LHFPL3: variants seen among roughly 807,000 people sequenced by gnomAD.
The protein encoded by LHFPL3 is LHFPL tetraspan subfamily member 3.
Under a neutral mutation model 19.3 loss-of-function variants are expected in LHFPL3, and 5 were observed. That is an observed-to-expected ratio of 0.26 (90% CI 0.14 to 0.54). LHFPL3 has a LOEUF of 0.54. Among genes scored for constraint, LHFPL3 ranks in the 20% least tolerant of loss-of-function variants. The pLI is 0.94. For synonymous variants in LHFPL3, 133 were observed against 126.2 expected (o/e 1.05, Z -0.36); for missense variants, 249 against 307.4 (o/e 0.81, Z 1.42).
intron 1 of LHFPL3, among the ~76,000 whole-genome samples, chr7:104,356,082 TTGTATTAGGATATAGCTTTTG>T (rs1189236557): frequency 6.6e-6 from 1 of 152,218 alleles, no homozygotes; most frequent in Non-Finnish European, 1.5e-5. Context: ...AGTGAAATGA[TTGTATTAGGATATAGCTTTTG>T]TAATAGAAGA....
At chr7:104,818,022 C>T (rs1790598704) in intron 2 of LHFPL3, among the ~76,000 whole-genome samples, 1 of 152,140 alleles carries the variant, frequency 6.6e-6, no homozygotes, top group Non-Finnish European at 1.5e-5. Context: ...TATTGGACAG[C>T]ACAGATACAG....
At chr7:104,458,526 G>C (rs1792592074) in intron 1 of LHFPL3, among the ~76,000 whole-genome samples, 1 of 152,076 alleles carries the variant, frequency 6.6e-6, no homozygotes. Flanking sequence ...TAGCCTTGTA[G>C]TATAGTTTGA....
chr7:104,576,161 G>GA (rs369816915), intron 1 of LHFPL3, among the ~76,000 whole-genome samples: 6 of 150,524 alleles, frequency 4.0e-5, no homozygotes, highest in Non-Finnish European at 7.4e-5. Context: ...GAAGATCCAG[G>GA]AAAAAAAAAT....
chr7:104,592,156 A>G (rs1283376869), intron 1 of LHFPL3, among the ~76,000 whole-genome samples: 1 of 152,038 alleles, frequency 6.6e-6, no homozygotes, highest in Non-Finnish European at 1.5e-5. Context: ...GCTTTGTTCC[A>G]TTGCTGGTGA....
chr7:104,395,479 C>G lies in LHFPL3; in HGVS notation c.445+66255C>G, dbSNP rs76770522. On this transcript the variant is annotated intron_variant, in intron 1 of 2. Coordinates refer to ENST00000424859, the MANE Select transcript of LHFPL3 (RefSeq NM_199000.3). ...ATAATTTATTTTCTGAAATTGGCAG[C>G]CAGTTTCTTTGCCACCTTCTCCCAG... Among the ~76,000 whole-genome samples, 955 of 152,292 alleles carry G rather than the reference C, an allele frequency of 6.3e-3. 83 individuals are homozygous for G. In the East Asian group the frequency reaches 0.16, roughly 26 times the overall value.
intron 1 of LHFPL3, among the ~76,000 whole-genome samples, chr7:104,565,479 G>A (rs1790100858): frequency 6.6e-6 from 1 of 152,192 alleles, no homozygotes; most frequent in Admixed American, 6.5e-5. Flanking sequence ...TTTTTGTTCA[G>A]CAGACACAAG....
intron 1 of LHFPL3, among the ~76,000 whole-genome samples, chr7:104,487,086 T>TTCA: frequency 6.6e-6 from 1 of 152,196 alleles, no homozygotes; most frequent in South Asian, 2.1e-4. Flanking sequence ...TTCTTCCAGT[T>TTCA]TCATTTTCAT....
At chr7:104,837,280 A>G (rs189322285) in intron 2 of LHFPL3, among the ~76,000 whole-genome samples, 28 of 152,304 alleles carry the variant, frequency 1.8e-4, no homozygotes, top group Non-Finnish European at 3.2e-4. Flanking sequence ...CTAAGAGCAG[A>G]GACGTCTGAT....
At chr7:104,612,681 A>G (rs1272136691) in intron 1 of LHFPL3, among the ~76,000 whole-genome samples, 2 of 152,140 alleles carry the variant, frequency 1.3e-5, no homozygotes, top group African/African-American at 4.8e-5. Context: ...TGAAACCTAA[A>G]CCTTCATGCC....
At chr7:104,496,331 G>T (rs911916336) in intron 1 of LHFPL3, among the ~76,000 whole-genome samples, 7 of 152,166 alleles carry the variant, frequency 4.6e-5, no homozygotes, top group Admixed American at 1.3e-4. Flanking sequence ...AGTATTCCAT[G>T]GTGTATATGT....
intron 1 of LHFPL3, among the ~76,000 whole-genome samples, chr7:104,495,296 C>T (rs1793440207): frequency 6.6e-6 from 1 of 152,190 alleles, no homozygotes; most frequent in African/African-American, 2.4e-5. Context: ...CAGCCTTGAA[C>T]ACCTGTGCTG....
At chr7:104,752,430 C>G (rs977692212) in intron 2 of LHFPL3, among the ~76,000 whole-genome samples, 107 of 146,834 alleles carry the variant, frequency 7.3e-4, no homozygotes, top group Non-Finnish European at 1.5e-3. Context: ...ATGGCCCAAT[C>G]ATTCCATACT....
intron 2 of LHFPL3, among the ~76,000 whole-genome samples, chr7:104,778,136 C>A (rs1794661910): frequency 6.6e-6 from 1 of 152,152 alleles, no homozygotes; most frequent in Non-Finnish European, 1.5e-5. Context: ...CCAGGGAGAT[C>A]CTAAGTCCCA....
chr7:104,512,429 C>T (rs1793837236), intron 1 of LHFPL3, among the ~76,000 whole-genome samples: 1 of 151,400 alleles, frequency 6.6e-6, no homozygotes, highest in African/African-American at 2.4e-5. Context: ...CTAGCAGGCT[C>T]TATGTTGCTG....
rs1801513009 is a variant in LHFPL3 at position 104,328,778 on chromosome 7, G to C, written c.-2G>C. 1 of 1,580,918 alleles carries C rather than the reference G, an allele frequency of 6.3e-7. No homozygotes were observed. Among genetic ancestry groups the C allele is most frequent in the Non-Finnish European group, 8.6e-7 (1 of 1,164,468 alleles). Reference sequence around the variant, plus strand: ...AGGAGGAGGAGGAGGAGGAGGGGGAGAATGCCCGGAGCCGCCGCCGCTGCC... The same window carrying C: ...AGGAGGAGGAGGAGGAGGAGGGGGACAATGCCCGGAGCCGCCGCCGCTGCC... On this transcript the variant is annotated 5_prime_UTR_variant, in exon 1 of 3. Transcript: ENST00000424859. This position sits in a 1 kb window ranked among gnomAD's most constrained non-coding sequence, Gnocchi z 4.6.
chr7:104,515,252 A>G (rs1329473966), intron 1 of LHFPL3, among the ~76,000 whole-genome samples: 1 of 152,218 alleles, frequency 6.6e-6, no homozygotes, highest in Non-Finnish European at 1.5e-5. Flanking sequence ...ATTAATCTGC[A>G]TTAAAGATTA....
intron 1 of LHFPL3, among the ~76,000 whole-genome samples, chr7:104,643,506 G>A (rs1013392291): frequency 8.5e-5 from 13 of 152,112 alleles, no homozygotes; most frequent in Non-Finnish European, 1.6e-4. Context: ...GGATTTTCTT[G>A]AAGAGTTCCT....
chr7:104,364,536 A>G (rs1790448643), intron 1 of LHFPL3, among the ~76,000 whole-genome samples: 1 of 152,178 alleles, frequency 6.6e-6, no homozygotes, highest in African/African-American at 2.4e-5. Context: ...TTCTACCAAA[A>G]TTGTACTCTT....
chr7:104,387,815 C>A (rs368928299), intron 1 of LHFPL3, among the ~76,000 whole-genome samples: 3 of 152,060 alleles, frequency 2.0e-5, no homozygotes, highest in Non-Finnish European at 2.9e-5. Flanking sequence ...CTTTTAGGTT[C>A]GGGGTACATG....
Sources: allele counts gnomAD v4.1 joint callset (sites outside exome capture counted in the v4.1 genomes callset), GRCh38; gene constraint gnomAD v4.1.1; non-coding constraint Gnocchi (gnomAD v3.1); transcripts MANE v1.5; gene names NCBI Gene and HGNC (gene_info 2026-07-23, HGNC 2026-07-21).